Variants in PDE10A observed in about 807,000 individuals in gnomAD.
PDE10A encodes the protein cAMP and cAMP-inhibited cGMP 3',5'-cyclic phosphodiesterase 10A.
A neutral mutation model predicts 97.7 loss-of-function variants in PDE10A; 39 were observed. The ratio of observed to expected loss-of-function variants is 0.40; its 90% CI spans 0.31 to 0.52. The LOEUF (loss-of-function observed/expected upper bound fraction) is 0.52. Among genes scored for constraint, PDE10A ranks in the 20% least tolerant of loss-of-function variants. The pLI, the probability that PDE10A is intolerant of heterozygous loss-of-function variation, is 0.56. For missense variants in PDE10A, 731 were observed against 1,047.8 expected (o/e 0.70, Z 4.17); for synonymous variants, 371 against 376.8 (o/e 0.98, Z 0.18).
chr6:165,663,113 A>C lies in PDE10A; in HGVS notation c.-302T>G, dbSNP rs1032543684. 7.3e-5 allele frequency among the ~76,000 whole-genome samples: 11 copies of C among 151,510 alleles called. No homozygotes were observed. The highest frequency in any genetic ancestry group is 2.7e-4 in the African/African-American group (11 of 41,346). On this transcript the variant is annotated 5_prime_UTR_variant, in exon 1 of 22. Coordinates refer to ENST00000539869, the MANE Select transcript of PDE10A (RefSeq NM_001385079.1). ...TAGGGACGGCGGAGACCCTCCCTGCAGGCGTGGCGTGGTGTGTGCGCGCTC... is the reference window on the plus strand; with the variant it reads ...TAGGGACGGCGGAGACCCTCCCTGCCGGCGTGGCGTGGTGTGTGCGCGCTC...
intron 13 of PDE10A, among the ~76,000 whole-genome samples, chr6:165,399,883 C>T (rs547913869): frequency 3.3e-5 from 5 of 152,164 alleles, no homozygotes; most frequent in Non-Finnish European, 7.3e-5. Flanking sequence ...CCGCAATAAA[C>T]ATACATGTGC....
Position 165,648,100 on chromosome 6 carries a change from C to A in PDE10A, c.865+13847G>T, listed in dbSNP as rs1262199912. Among the ~76,000 whole-genome samples, 4 of 152,218 alleles carry A rather than the reference C, an allele frequency of 2.6e-5. No homozygotes were observed. In the East Asian group the frequency reaches 7.7e-4, roughly 29 times the overall value. ...CAATCTTGGCTCACTGCAAGCTCCA[C>A]CTCTCGGGTTCACGCCATTCTCCTG... On this transcript the variant is annotated intron_variant, in intron 1 of 21. Transcript: ENST00000539869.
intron 1 of PDE10A, among the ~76,000 whole-genome samples, chr6:165,628,698 G>C (rs1199372468): frequency 1.3e-5 from 2 of 152,104 alleles, no homozygotes. Context: ...TGATTTGGAA[G>C]TCAGAGAGGC....
At position 165,388,962 on chromosome 6, in the gene PDE10A, C is replaced by A. The variant is rs939286000; in HGVS notation, c.2455-509G>T. Among the ~76,000 whole-genome samples, 11 of 152,100 alleles carry A rather than the reference C, an allele frequency of 7.2e-5. No homozygotes were observed. The highest frequency in any genetic ancestry group is 2.4e-4 in the African/African-American group (10 of 41,436). The stretch of plus-strand genomic sequence containing the variant: ...CTAAAGGAAATTAGAGAAAGTCAGG[C>A]TGAGTATGAAATAAACTAGGCAGGC... On this transcript the variant is annotated intron_variant, in intron 16 of 21. Transcript: ENST00000539869. The surrounding 1 kb of genome is among the most constrained non-coding windows in gnomAD (Gnocchi z 4.0).
intron 1 of PDE10A, among the ~76,000 whole-genome samples, chr6:165,883,954 G>C (rs187907099): frequency 7.6e-4 from 115 of 152,294 alleles, no homozygotes; most frequent in Admixed American, 1.5e-3. Context: ...GTCCTCGAGG[G>C]GAAGCCAGGT....
intron 1 of PDE10A, chr6:165,940,816 G>C (rs553285223): frequency 6.6e-6 from 1 of 152,348 alleles, no homozygotes; most frequent in Admixed American, 6.5e-5. Context: ...CCAATGATAA[G>C]CACAATTCAG....
At chr6:165,467,937 AC>A (rs1421983551) in intron 3 of PDE10A, among the ~76,000 whole-genome samples, 1 of 152,184 alleles carries the variant, frequency 6.6e-6, no homozygotes, top group African/African-American at 2.4e-5. Context: ...TGCCACAGCC[AC>A]CCCAACCTTC....
intron 1 of PDE10A, among the ~76,000 whole-genome samples, chr6:165,568,251 G>C (rs552346713): frequency 6.6e-6 from 1 of 151,888 alleles, no homozygotes. Flanking sequence ...CGCCCGCCTC[G>C]GCCTCCCAAA....
intron 1 of PDE10A, among the ~76,000 whole-genome samples, chr6:165,826,330 C>T (rs566663685): frequency 4.3e-4 from 66 of 151,818 alleles, no homozygotes; most frequent in African/African-American, 1.5e-3. Flanking sequence ...CTGCATCCTT[C>T]TGTCCCCATG....
At chr6:165,495,924 A>G (rs1375722373) in intron 2 of PDE10A, among the ~76,000 whole-genome samples, 2 of 152,178 alleles carry the variant, frequency 1.3e-5, no homozygotes, top group Non-Finnish European at 2.9e-5. Context: ...AATGCAGGTG[A>G]CTGTCAATAA....
At chr6:165,744,659 T>G (rs1792803848) in intron 1 of PDE10A, among the ~76,000 whole-genome samples, 1 of 152,196 alleles carries the variant, frequency 6.6e-6, no homozygotes, top group South Asian at 2.1e-4. Flanking sequence ...TTGTTTATGG[T>G]GAACACTCAT....
intron 1 of PDE10A, among the ~76,000 whole-genome samples, chr6:165,873,897 T>C (rs1048138293): frequency 2.0e-5 from 3 of 152,246 alleles, no homozygotes; most frequent in Admixed American, 2.0e-4. Flanking sequence ...ATTTAAAGTA[T>C]GTACACGTTT....
chr6:165,722,369 A>G (rs1250473432), intron 1 of PDE10A, among the ~76,000 whole-genome samples: 1 of 152,244 alleles, frequency 6.6e-6, no homozygotes, highest in African/African-American at 2.4e-5. Flanking sequence ...CCAGGTAAGA[A>G]AAGATACAGT....
intron 1 of PDE10A, among the ~76,000 whole-genome samples, chr6:165,900,438 T>C (rs907066713): frequency 9.2e-5 from 14 of 151,990 alleles, no homozygotes; most frequent in Non-Finnish European, 4.4e-5. Flanking sequence ...CACCACTGCA[T>C]TCCAGCCTCA....
At chr6:165,556,710 G>A (rs754188391) in intron 1 of PDE10A, among the ~76,000 whole-genome samples, 5 of 152,162 alleles carry the variant, frequency 3.3e-5, no homozygotes, top group Non-Finnish European at 7.3e-5. Flanking sequence ...CTGTGGACAA[G>A]CATATCGGCT....
At chr6:165,805,786 G>A (rs1237291391) in intron 1 of PDE10A, among the ~76,000 whole-genome samples, 2 of 151,844 alleles carry the variant, frequency 1.3e-5, no homozygotes, top group Non-Finnish European at 2.9e-5. Context: ...CCGAGTTCGG[G>A]GCCAGAAAGC....
intron 1 of PDE10A, among the ~76,000 whole-genome samples, chr6:165,676,630 A>T (rs1790803022): frequency 6.6e-6 from 1 of 152,038 alleles, no homozygotes; most frequent in Admixed American, 6.5e-5. Flanking sequence ...ATGTGCCTGG[A>T]GTGGACTAGG....
intron 18 of PDE10A, among the ~76,000 whole-genome samples, chr6:165,349,342 T>C (rs1197905619): frequency 6.6e-6 from 1 of 152,072 alleles, no homozygotes; most frequent in African/African-American, 2.4e-5. Flanking sequence ...GAGGAACTTG[T>C]TGGGAACTGG....
intron 3 of PDE10A, among the ~76,000 whole-genome samples, chr6:165,479,023 A>G (rs967249657): frequency 1.3e-5 from 2 of 152,148 alleles, no homozygotes; most frequent in African/African-American, 4.8e-5. Flanking sequence ...TATAAAACCA[A>G]GCTGTAGCCC....
Sources: gnomAD v4.1 joint callset for allele counts (sites outside exome capture counted in the v4.1 genomes callset) on GRCh38, gnomAD v4.1.1 for gene constraint, Gnocchi (gnomAD v3.1) non-coding constraint, MANE v1.5 for transcripts, NCBI Gene and HGNC (gene_info 2026-07-23, HGNC 2026-07-21) for gene names.